PALD1: variants seen among roughly 807,000 people sequenced by gnomAD.
PALD1 encodes the protein phosphatase domain containing paladin 1.
In PALD1, 57 loss-of-function variants were observed where a neutral mutation model predicts 96.0. That is an observed-to-expected ratio of 0.59 (90% confidence interval 0.48 to 0.74). The LOEUF (loss-of-function observed/expected upper bound fraction) is 0.74. PALD1 is among the 30% of genes least tolerant of loss of function. The probability of loss-of-function intolerance (pLI) is 0.00; values close to 1 mark genes in which losing one functional copy is unlikely to be tolerated. For missense variants in PALD1, 1,063 were observed against 1,143.7 expected (o/e 0.93, Z 1.02); for synonymous variants, 464 against 473.6 (o/e 0.98, Z 0.26).
Position 70,564,462 on chromosome 10 carries a change from C to T in PALD1, c.2361C>T (p.Tyr787=), listed in dbSNP as rs750268933. ...RYVCLILFNA[Y]LHLEKADSWQ... ...TCTGCCTGATTCTCTTCAACGCGTA[C>T]CTCCACCTGGAGAAGGCCGACTCCT... Residue 787 remains tyrosine, a synonymous_variant, in exon 19 of 20, where the codon TAC becomes TAT. Coordinates refer to ENST00000263563, the MANE Select transcript of PALD1 (RefSeq NM_014431.3). 2 of 1,614,140 alleles carry T rather than the reference C, an allele frequency of 1.2e-6. No individual in the cohort carries two copies. The highest frequency in any genetic ancestry group is 8.5e-7 in the Non-Finnish European group (1 of 1,180,004).
chr10:70,508,195 CTTG>C, intron 1 of PALD1, among the ~76,000 whole-genome samples: 1 of 152,314 alleles, frequency 6.6e-6, no homozygotes, highest in South Asian at 2.1e-4. Context: ...ACGGCCCAGC[CTTG>C]TTGTTTATGG....
At chr10:70,480,235 C>T (rs1845905491) in intron 1 of PALD1, among the ~76,000 whole-genome samples, 1 of 152,350 alleles carries the variant, frequency 6.6e-6, no homozygotes, top group South Asian at 2.1e-4. Flanking sequence ...TCTGAAATAA[C>T]CCATTTGGTT....
intron 18 of PALD1, among the ~76,000 whole-genome samples, chr10:70,551,061 G>C (rs1263630560): frequency 2.0e-5 from 3 of 152,192 alleles, no homozygotes; most frequent in South Asian, 4.1e-4. Context: ...GTTGGTGGCT[G>C]AGTGGGGATG....
chr10:70,564,663 T>C (rs1046675114), intron 19 of PALD1, 144 bp downstream of exon 19: 4 of 752,334 alleles, frequency 5.3e-6, no homozygotes, highest in African/African-American at 5.3e-5. Flanking sequence ...TGCAGGAGGC[T>C]TCTGTTTGGC....
rs567550381 is a variant in PALD1 at position 70,526,368 on chromosome 10, A to G, written c.185+232A>G. ...TGAGCCCATGCTACTCACCACGTCC[A>G]CAGTGTGGGGGAATGCGGAGGAGGA... On this transcript the variant is annotated intron_variant, in intron 2 of 19. Coordinates refer to ENST00000263563, the MANE Select transcript of PALD1 (RefSeq NM_014431.3). Among the ~76,000 whole-genome samples, 9 of 151,208 alleles carry G rather than the reference A, an allele frequency of 6.0e-5. No homozygotes were observed. In the East Asian group the frequency reaches 9.7e-4, roughly 16 times the overall value.
At position 70,547,342 on chromosome 10, in the gene PALD1, C is replaced by G. The variant is rs146828127; in HGVS notation, c.2158C>G (p.His720Asp). 3.1e-6 allele frequency: 5 copies of G among 1,613,148 alleles called. No homozygotes were observed. In the African/African-American group the frequency reaches 5.3e-5, roughly 17 times the overall value. Residue 720 changes from histidine to aspartate, a missense_variant, in exon 18 of 20, where the codon CAC (histidine) becomes GAC (aspartate). Physicochemically the swap from His to Asp is moderately conservative, Grantham distance 81 (BLOSUM62 -1). Transcript: ENST00000263563. ...GGTGGTGCAGCTGCTACCCGATGGG[C>G]ACCGTGTGAAGAAGGAGGTGGACGC... The part of the protein sequence containing the change: ...MKVVQLLPDG[H>D]RVKKEVDAAL...
Position 70,539,165 on chromosome 10 carries a change from G to A in PALD1, c.1643G>A (p.Arg548Gln), listed in dbSNP as rs370353917. ...CGGAAGGTTGTCTGGGTGAGCCTTC[G>A]GGAGGAGGCCGTGTTGGAGTGTGAC... ...RLRKVVWVSLREEAVLECDGH... is the reference protein window; with the variant it reads ...RLRKVVWVSLQEEAVLECDGH... The change falls in exon 14 of 20, where the codon CGG becomes CAG. Residue 548 changes from arginine (R) to glutamine (Q), a missense_variant. By Grantham distance (43) the Arg-to-Gln change is conservative. Transcript: ENST00000263563. The surrounding 1 kb of genome is among the most constrained non-coding windows in gnomAD (Gnocchi z 4.5). 2.5e-6 allele frequency: 4 copies of A among 1,613,370 alleles called. No homozygotes were observed. The highest frequency in any genetic ancestry group is 4.5e-5 in the East Asian group (2 of 44,822).
At chr10:70,500,216 G>T (rs926053562) in intron 1 of PALD1, among the ~76,000 whole-genome samples, 1 of 152,110 alleles carries the variant, frequency 6.6e-6, no homozygotes, top group African/African-American at 2.4e-5. Flanking sequence ...CTTAGTTTGG[G>T]GTTGGTGGGG....
chr10:70,531,337 T>C lies in PALD1; in HGVS notation c.516T>C (p.Arg172=). ...GGGAGGAACCTGTGCTTTTCCTGCG[T>C]GCAGATGAGGACTTTGTGTCCTACA... ...CVREEPVLFL[R]ADEDFVSYTP... Residue 172 remains arginine, a synonymous_variant, in exon 5 of 20, where the codon CGT becomes CGC. Coordinates refer to ENST00000263563, the MANE Select transcript of PALD1 (RefSeq NM_014431.3). The C allele has an allele frequency of 6.2e-7, 1 of 1,614,036 alleles. No individual in the cohort carries two copies. The highest frequency in any genetic ancestry group is 8.5e-7 in the Non-Finnish European group (1 of 1,179,898).
At chr10:70,495,606 A>C (rs1846181462) in intron 1 of PALD1, among the ~76,000 whole-genome samples, 1 of 152,158 alleles carries the variant, frequency 6.6e-6, no homozygotes, top group African/African-American at 2.4e-5. Flanking sequence ...CTTGTTGCAC[A>C]AGGAAGCTTA....
chr10:70,474,340 C>T (rs1005094110), upstream of PALD1, among the ~76,000 whole-genome samples: 3 of 152,114 alleles, frequency 2.0e-5, no homozygotes, highest in East Asian at 5.8e-4. Context: ...GCAGGTGGAT[C>T]ACCTGAGGTC....
intron 18 of PALD1, among the ~76,000 whole-genome samples, chr10:70,562,823 C>T (rs1847768922): frequency 6.6e-6 from 1 of 151,828 alleles, no homozygotes; most frequent in Non-Finnish European, 1.5e-5. Flanking sequence ...GCAGGGTGCC[C>T]TGTAGGAGAG....
chr10:70,480,810 G>T (rs1423517150), intron 1 of PALD1, among the ~76,000 whole-genome samples: 3 of 152,246 alleles, frequency 2.0e-5, no homozygotes, highest in African/African-American at 7.2e-5. Context: ...TGTGGGGGAT[G>T]CCCCGTGTGG....
At chr10:70,463,107 C>T in the PALD1 span, among the ~76,000 whole-genome samples, 4 of 151,894 alleles carry the variant, frequency 2.6e-5, no homozygotes, top group Non-Finnish European at 5.9e-5. Context: ...TGGGGTGAAT[C>T]AAAAAACAAA....
intron 1 of PALD1, among the ~76,000 whole-genome samples, chr10:70,515,741 T>A (rs1846608570): frequency 6.6e-6 from 1 of 152,112 alleles, no homozygotes; most frequent in Non-Finnish European, 1.5e-5. Context: ...GTCCTCAGTT[T>A]ACAGTTGGGG....
chr10:70,510,833 T>C (rs985415207), intron 1 of PALD1, among the ~76,000 whole-genome samples: 4 of 152,162 alleles, frequency 2.6e-5, no homozygotes, highest in African/African-American at 7.2e-5. Context: ...CTTGGGACTT[T>C]CGAAATCTCT....
At chr10:70,471,545 T>G in the PALD1 span, among the ~76,000 whole-genome samples, 1 of 152,374 alleles carries the variant, frequency 6.6e-6, no homozygotes, top group African/African-American at 2.4e-5. Flanking sequence ...GCCTTGGGTT[T>G]TAAAATAGCT....
chr10:70,513,369 A>T (rs960399933), intron 1 of PALD1, among the ~76,000 whole-genome samples: 3 of 152,122 alleles, frequency 2.0e-5, no homozygotes, highest in African/African-American at 7.2e-5. Flanking sequence ...AAAATTAGCC[A>T]GGAGTGGTGG....
chr10:70,465,302 A>G, the PALD1 span, among the ~76,000 whole-genome samples: 1 of 152,124 alleles, frequency 6.6e-6, no homozygotes, highest in Admixed American at 6.5e-5. Flanking sequence ...TAGCTTATAT[A>G]TGCTGGTGAA....
Sources: gnomAD v4.1 joint callset for allele counts (sites outside exome capture counted in the v4.1 genomes callset) on GRCh38, gnomAD v4.1.1 for gene constraint, Gnocchi (gnomAD v3.1) non-coding constraint, MANE v1.5 for transcripts, NCBI Gene and HGNC (gene_info 2026-07-23, HGNC 2026-07-21) for gene names.